The following CFAP54 variants were observed in gnomAD, a reference collection of about 807,000 sequenced individuals.
The protein encoded by CFAP54 is cilia and flagella associated protein 54.
In CFAP54, 290 loss-of-function variants were observed where a neutral mutation model predicts 370.4. The observed-to-expected ratio is 0.78, with a 90% CI of 0.71 to 0.86. The LOEUF (loss-of-function observed/expected upper bound fraction) is 0.86, where lower values mean the gene tolerates loss of function less well. CFAP54 is among the 40% of genes least tolerant of loss of function. CFAP54 has a pLI of 0.00. For missense variants in CFAP54, 3,399 were observed against 3,528.7 expected (o/e 0.96, Z 0.93); for synonymous variants, 1,206 against 1,236.5 (o/e 0.98, Z 0.52).
intron 65 of CFAP54, among the ~76,000 whole-genome samples, chr12:96,819,617 A>G (rs2136738744): frequency 6.6e-6 from 1 of 152,292 alleles, no homozygotes; most frequent in African/African-American, 2.4e-5. Context: ...TTAAATCAAT[A>G]TTCAGTGTTA....
chr12:96,829,191 C>A (rs2136758338), intron 66 of CFAP54, 103 bp downstream of exon 66: 2 of 562,334 alleles, frequency 3.6e-6, no homozygotes, highest in Non-Finnish European at 5.9e-6. Flanking sequence ...AAGGGCCTAA[C>A]CCTCCTTATT....
intron 32 of CFAP54, among the ~76,000 whole-genome samples, chr12:96,637,701 A>G (rs1347615809): frequency 6.6e-6 from 1 of 152,218 alleles, no homozygotes; most frequent in Admixed American, 6.5e-5. Flanking sequence ...TGAAAAGTTA[A>G]CCAAAAAGAT....
In CFAP54 at chr12:96,800,647, A is replaced by C. The variant is rs113245406; in HGVS notation, c.8850+8148A>C. Among the ~76,000 whole-genome samples, 869 of 152,318 alleles carry C rather than the reference A, an allele frequency of 5.7e-3. 10 individuals are homozygous for C. The highest frequency in any genetic ancestry group is 0.019 in the African/African-American group (781 of 41,574). ...GATTTAAATATGGGTGTATTTAAGC[A>C]TTCATCTACTCATCGTTTTAGGATT... On this transcript the variant is annotated intron_variant, in intron 63 of 67. Transcript: ENST00000524981.
At chr12:96,632,598 C>T (rs1413735048) in intron 32 of CFAP54, among the ~76,000 whole-genome samples, 1 of 151,926 alleles carries the variant, frequency 6.6e-6, no homozygotes, top group Admixed American at 6.6e-5. Context: ...AGTCTATTAA[C>T]TTATTCCTGA....
At chr12:96,785,223 T>C (rs1426230376) in intron 61 of CFAP54, among the ~76,000 whole-genome samples, 2 of 152,144 alleles carry the variant, frequency 1.3e-5, no homozygotes, top group African/African-American at 4.8e-5. Flanking sequence ...CAAGATGACA[T>C]TTTGGCTTTA....
chr12:96,612,498 A>G (rs995967305), intron 26 of CFAP54, among the ~76,000 whole-genome samples: 1 of 152,224 alleles, frequency 6.6e-6, no homozygotes, highest in Non-Finnish European at 1.5e-5. Flanking sequence ...CAAAATAACT[A>G]GCTATGATTA....
intron 33 of CFAP54, among the ~76,000 whole-genome samples, chr12:96,644,979 T>C (rs1051041687): frequency 2.6e-5 from 4 of 152,236 alleles, no homozygotes; most frequent in African/African-American, 9.6e-5. Context: ...GTAGCTTGAA[T>C]ATGTTTGTTG....
intron 50 of CFAP54, 85 bp downstream of exon 50, chr12:96,720,650 A>C (rs1437198156): frequency 1.8e-6 from 2 of 1,112,334 alleles, no homozygotes; most frequent in Admixed American, 8.2e-5. Context: ...AATTTTATGT[A>C]AGTTTTAGAA....
At chr12:96,537,643 A>G (rs1433780522) in intron 12 of CFAP54, among the ~76,000 whole-genome samples, 20 of 152,132 alleles carry the variant, frequency 1.3e-4, no homozygotes, top group Admixed American at 1.2e-3. Context: ...CGCCTGTCCA[A>G]TTCCTTATTA....
chr12:96,817,426 CTTTCT>C (rs1410227132), intron 64 of CFAP54, among the ~76,000 whole-genome samples: 6 of 136,784 alleles, frequency 4.4e-5, no homozygotes, highest in African/African-American at 1.4e-4. Flanking sequence ...AAATACCTTT[CTTTCT>C]TTTTTTTTTT....
intron 2 of CFAP54, among the ~76,000 whole-genome samples, chr12:96,503,065 T>G (rs932522174): frequency 1.8e-5 from 2 of 112,622 alleles, no homozygotes; most frequent in Non-Finnish European, 3.6e-5. Flanking sequence ...CCTTTCTCTC[T>G]CTCTCTTTCT....
chr12:96,704,550 A>G (rs1957528124), intron 46 of CFAP54, among the ~76,000 whole-genome samples, 193 bp from the exon 47 acceptor site: 1 of 143,886 alleles, frequency 6.9e-6, no homozygotes, highest in Admixed American at 7.1e-5. Context: ...AAATATTAAC[A>G]TTGTAATTCT....
intron 9 of CFAP54, among the ~76,000 whole-genome samples, chr12:96,529,312 G>A (rs1955415707): frequency 6.6e-6 from 1 of 152,184 alleles, no homozygotes; most frequent in Non-Finnish European, 1.5e-5. Context: ...TATCCCTACT[G>A]ATAGTTTTTG....
At chr12:96,689,385 T>G (rs1957364960) in intron 43 of CFAP54, among the ~76,000 whole-genome samples, 1 of 152,176 alleles carries the variant, frequency 6.6e-6, no homozygotes. Flanking sequence ...GGTCTCAAAC[T>G]CCTGACCTCA....
chr12:96,526,804 A>G (rs1043006008), intron 8 of CFAP54, among the ~76,000 whole-genome samples: 3 of 151,990 alleles, frequency 2.0e-5, no homozygotes, highest in African/African-American at 7.2e-5. Context: ...AAAACCATAA[A>G]AGCAGGTATC....
intron 26 of CFAP54, among the ~76,000 whole-genome samples, chr12:96,610,659 G>A (rs966104461): frequency 2.6e-5 from 4 of 152,132 alleles, no homozygotes; most frequent in Admixed American, 6.5e-5. Context: ...TATGACAGAC[G>A]GCACCTGGAA....
intron 26 of CFAP54, among the ~76,000 whole-genome samples, chr12:96,606,568 T>C (rs1031042300): frequency 6.6e-6 from 1 of 152,196 alleles, no homozygotes; most frequent in Non-Finnish European, 1.5e-5. Flanking sequence ...GGAAGGCTAT[T>C]TGTTTTAAGG....
intron 65 of CFAP54, among the ~76,000 whole-genome samples, chr12:96,826,964 AATTATATATGATTATATATAATATGC>A (rs1234784589): frequency 6.2e-5 from 8 of 129,706 alleles, no homozygotes; most frequent in Admixed American, 2.5e-4. Flanking sequence ...TATAATATGC[AATTATATATGATTATATATAATATGC>A]AATTATATAT....
Position 96,580,643 on chromosome 12 carries a change from GA to G in CFAP54, c.2847del (p.Val950TyrfsTer3). The part of the protein sequence containing the change: ...ILGCKAEGSY[G>X]KVRLNNNHLP... Reference sequence around the variant, plus strand: ...GGTTGCAAAGCAGAAGGAAGTTATGGAAAAGTACGGCTAAACAATAATCATC... The same window carrying G: ...GGTTGCAAAGCAGAAGGAAGTTATGGAAAGTACGGCTAAACAATAATCATC... On this transcript the variant is annotated frameshift_variant, in exon 21 of 68. Transcript: ENST00000524981. LOFTEE classifies it high-confidence loss of function. The G allele has an allele frequency of 1.3e-6, 2 of 1,527,864 alleles. No individual in the cohort carries two copies. The highest frequency in any genetic ancestry group is 1.2e-5 in the South Asian group (1 of 82,574). 94.6% of individuals were successfully genotyped at this position (1,527,864 alleles called of 1,614,324 possible). A position where few individuals can be genotyped will look rare whatever the true frequency, so the allele number is the denominator to read the frequency against.
Sources: allele counts gnomAD v4.1 joint callset (sites outside exome capture counted in the v4.1 genomes callset), GRCh38; gene constraint gnomAD v4.1.1; transcripts MANE v1.5; gene names NCBI Gene and HGNC (gene_info 2026-07-23, HGNC 2026-07-21).